Variants in GTF2IRD1 observed in about 807,000 individuals in gnomAD.
The protein encoded by GTF2IRD1 is general transcription factor II-I repeat domain-containing protein 1.
GTF2IRD1 carries 26 observed loss-of-function variants against 113.2 expected under a neutral mutation model. That is an observed-to-expected ratio of 0.23 (90% CI 0.17 to 0.32). GTF2IRD1 has a LOEUF of 0.32. Ranked by LOEUF, GTF2IRD1 falls within the 10% of genes least tolerant of loss-of-function variation. GTF2IRD1 has a pLI of 1.00. For synonymous variants in GTF2IRD1, 484 were observed against 529.1 expected (o/e 0.91, Z 1.17); for missense variants, 864 against 1,280.8 (o/e 0.67, Z 4.97).
At chr7:74,469,968 C>A (rs1554331915) in intron 1 of GTF2IRD1, among the ~76,000 whole-genome samples, 1 of 151,718 alleles carries the variant, frequency 6.6e-6, no homozygotes, top group Admixed American at 6.6e-5. Context: ...ATTATGATAT[C>A]ATTATACCAT....
At chr7:74,505,151 C>A (rs191375862) in intron 1 of GTF2IRD1, among the ~76,000 whole-genome samples, 125 of 152,256 alleles carry the variant, frequency 8.2e-4, no homozygotes, top group South Asian at 4.4e-3. Context: ...TCCCAAAGTG[C>A]TGGGACTATA....
chr7:74,591,770 G>C (rs1468064288), intron 24 of GTF2IRD1, among the ~76,000 whole-genome samples: 1 of 151,964 alleles, frequency 6.6e-6, no homozygotes, highest in South Asian at 2.1e-4. Flanking sequence ...GCCCAGGCAG[G>C]AGTACAGAGG....
At chr7:74,483,982 G>A (rs1377645351) in intron 1 of GTF2IRD1, among the ~76,000 whole-genome samples, 12 of 152,204 alleles carry the variant, frequency 7.9e-5, no homozygotes, top group South Asian at 2.1e-4. Context: ...AAGGAGCCGT[G>A]TAGATACAGC....
intron 1 of GTF2IRD1, among the ~76,000 whole-genome samples, chr7:74,456,578 G>C (rs1792990035): frequency 6.6e-6 from 1 of 152,066 alleles, no homozygotes; most frequent in South Asian, 2.1e-4. Context: ...AGCTGCTCGG[G>C]AGGCTGAGGC....
At position 74,518,213 on chromosome 7, in the gene GTF2IRD1, G is replaced by A. The variant is rs1554345089; in HGVS notation, c.496G>A (p.Val166Met). 4.3e-6 allele frequency: 7 copies of A among 1,611,296 alleles called. No homozygotes were observed. Among genetic ancestry groups the A allele is most frequent in the Non-Finnish European group, 5.9e-6 (7 of 1,179,164 alleles). The change falls in exon 5 of 27, where the codon GTG (valine) becomes ATG (methionine). Residue 166 changes from valine (V) to methionine (M), a missense_variant. By Grantham distance (21) the Val-to-Met change is conservative. Transcript: ENST00000424337. ...RLLREPGLLA[V>M]QGLPEGLAFR... The stretch of plus-strand genomic sequence containing the variant: ...GCTCAGGGAGCCAGGGCTGCTGGCC[G>A]TGCAGGGGCTGCCCGAAGGCCTGGC...
In GTF2IRD1 at chr7:74,512,803, C is replaced by A; in HGVS notation, c.124-27C>A. On this transcript the variant is annotated intron_variant, in intron 2 of 26. Coordinates refer to ENST00000424337, the MANE Select transcript of GTF2IRD1 (RefSeq NM_005685.4). The surrounding 1 kb of genome is among the most constrained non-coding windows in gnomAD (Gnocchi z 4.4). ...GTGTTCGGAGTATGGGGAGCCCTTC[C>A]GCTCACACAGCCTGCCCTTCCCACA... The A allele has an allele frequency of 6.2e-7, 1 of 1,610,518 alleles. No individual in the cohort carries two copies. The highest frequency in any genetic ancestry group is 8.5e-7 in the Non-Finnish European group (1 of 1,178,176).
At chr7:74,528,943 G>GTGGATGGATGGATGGA (rs782015964) in intron 8 of GTF2IRD1, among the ~76,000 whole-genome samples, 1 of 133,848 alleles carries the variant, frequency 7.5e-6, no homozygotes, top group African/African-American at 2.9e-5. Flanking sequence ...GGGTGGATGG[G>GTGGATGGATGGATGGA]TGGATGGATG....
chr7:74,490,545 C>CA (rs1461447116), intron 1 of GTF2IRD1, among the ~76,000 whole-genome samples: 1 of 146,004 alleles, frequency 6.8e-6, no homozygotes, highest in Non-Finnish European at 1.5e-5. Context: ...AAAGGATACC[C>CA]CCCCCCCCGC....
rs181185545 is a variant in GTF2IRD1 at position 74,493,545 on chromosome 7, G to A, written c.-6-14530G>A. 2.4e-4 allele frequency among the ~76,000 whole-genome samples: 37 copies of A among 152,254 alleles called. No individual in the cohort carries two copies. The East Asian group carries it at 7.0e-3, about 29-fold the overall frequency. The stretch of plus-strand genomic sequence containing the variant: ...CATATAAGGTAACACAGGCTCTGGG[G>A]ATTAGGACATGGCTGTCTTTTGGAG... On this transcript the variant is annotated intron_variant, in intron 1 of 26. Coordinates refer to ENST00000424337, the MANE Select transcript of GTF2IRD1 (RefSeq NM_005685.4).
intron 1 of GTF2IRD1, among the ~76,000 whole-genome samples, chr7:74,481,613 C>T (rs981763315): frequency 1.3e-5 from 2 of 152,158 alleles, no homozygotes; most frequent in Non-Finnish European, 2.9e-5. Flanking sequence ...GTTTGCATCC[C>T]GGGCTGCACT....
intron 8 of GTF2IRD1, among the ~76,000 whole-genome samples, chr7:74,526,448 CT>C (rs1158349537): frequency 2.6e-5 from 4 of 152,182 alleles, no homozygotes; most frequent in Non-Finnish European, 4.4e-5. Context: ...GCCACCAAAT[CT>C]GGGTGAATTG....
intron 22 of GTF2IRD1, among the ~76,000 whole-genome samples, chr7:74,583,597 G>A (rs145557177): frequency 1.3e-5 from 2 of 151,756 alleles, no homozygotes; most frequent in East Asian, 1.9e-4. Context: ...CAGCCAGCCC[G>A]GCCCCACTTT....
chr7:74,553,716 G>A (rs1388451391), intron 17 of GTF2IRD1, among the ~76,000 whole-genome samples: 80 of 152,166 alleles, frequency 5.3e-4, no homozygotes, highest in African/African-American at 1.8e-3. Flanking sequence ...TACTCCCTGT[G>A]GCCTTGGCAG....
chr7:74,472,792 T>C (rs1794187029), intron 1 of GTF2IRD1, among the ~76,000 whole-genome samples: 1 of 152,148 alleles, frequency 6.6e-6, no homozygotes, highest in African/African-American at 2.4e-5. Context: ...TCAATCCACA[T>C]CCATGACTCT....
chr7:74,572,652 C>A, intron 22 of GTF2IRD1: 1 of 535,332 alleles, frequency 1.9e-6, no homozygotes, highest in Non-Finnish European at 2.4e-6. Context: ...ACCCTCTGGC[C>A]CCTGCCTCCC....
At chr7:74,544,876 C>T (rs1798836959) in intron 15 of GTF2IRD1, 74 bp downstream of exon 15, 2 of 1,244,088 alleles carry the variant, frequency 1.6e-6, no homozygotes, top group African/African-American at 1.5e-5. Flanking sequence ...CCCACCTCCC[C>T]TTGGCCTCTG....
chr7:74,540,343 G>A (rs1406002904), intron 14 of GTF2IRD1, among the ~76,000 whole-genome samples: 5 of 151,830 alleles, frequency 3.3e-5, no homozygotes, highest in East Asian at 1.9e-4. Flanking sequence ...GCGGGCTTTC[G>A]CTATGTTGGT....
chr7:74,568,625 G>A (rs587770244), intron 22 of GTF2IRD1, among the ~76,000 whole-genome samples: 2 of 152,232 alleles, frequency 1.3e-5, no homozygotes, highest in African/African-American at 4.8e-5. Flanking sequence ...TCCAGCCTGT[G>A]CGACAGAGCG....
chr7:74,455,318 A>C (rs1792896132), intron 1 of GTF2IRD1, among the ~76,000 whole-genome samples: 2 of 152,124 alleles, frequency 1.3e-5, no homozygotes, highest in African/African-American at 4.8e-5. Context: ...AGAAGTGGGC[A>C]TTTGCTGGGG....
Sources: allele counts gnomAD v4.1 joint callset (sites outside exome capture counted in the v4.1 genomes callset), GRCh38; gene constraint gnomAD v4.1.1; non-coding constraint Gnocchi (gnomAD v3.1); transcripts MANE v1.5; gene names NCBI Gene and HGNC (gene_info 2026-07-23, HGNC 2026-07-21).